The following TTC23L variants were observed in gnomAD, a reference collection of about 807,000 sequenced individuals.
TTC23L encodes the protein tetratricopeptide repeat domain 23 like, also known as tetratricopeptide repeat protein 23-like.
In TTC23L, 42 loss-of-function variants were observed where a neutral mutation model predicts 48.1. The observed-to-expected ratio is 0.87, with a 90% CI of 0.68 to 1.13. The LOEUF is 1.13. Ranked by LOEUF, TTC23L falls within the 50% of genes most tolerant of loss-of-function variation. The probability of loss-of-function intolerance (pLI) is 0.00; values close to 1 mark genes in which losing one functional copy is unlikely to be tolerated. For synonymous variants in TTC23L, 159 were observed against 157.2 expected (o/e 1.01, Z -0.09); for missense variants, 391 against 421.0 (o/e 0.93, Z 0.62).
chr5:34,909,391 C>T, the TTC23L span: 8 of 1,447,384 alleles, frequency 5.5e-6, no homozygotes, highest in South Asian at 4.7e-5. Context: ...ATTCATTCAT[C>T]CAAAAATAAA....
At chr5:34,921,907 C>CAAAAAAAAAAAAA in the TTC23L span, 1 of 35,304 alleles carries the variant, frequency 2.8e-5, no homozygotes. Context: ...AACTGCATCG[C>CAAAAAAAAAAAAA]AAAAAAAAAA....
At chr5:34,913,539 CAG>C in the TTC23L span, 2 of 1,603,408 alleles carry the variant, frequency 1.2e-6, no homozygotes, top group Non-Finnish European at 1.7e-6. Context: ...CGAAAAGTAA[CAG>C]ACTCTTCCTG....
At chr5:34,922,396 C>G in the TTC23L span, 1 of 909,536 alleles carries the variant, frequency 1.1e-6, no homozygotes. Flanking sequence ...GAGAATGAAG[C>G]AAACTTTTGA....
chr5:34,912,722 G>A, the TTC23L span, among the ~76,000 whole-genome samples: 3 of 152,018 alleles, frequency 2.0e-5, no homozygotes, highest in African/African-American at 4.8e-5. Context: ...TTCGGCAACC[G>A]GTTGCGGTGG....
chr5:34,866,684 G>A (rs565705731), intron 6 of TTC23L, among the ~76,000 whole-genome samples: 15 of 152,252 alleles, frequency 9.9e-5, no homozygotes, highest in African/African-American at 3.1e-4. Flanking sequence ...ACATAGTAAT[G>A]GGTTTAATGA....
intron 4 of TTC23L, chr5:34,861,363 G>A (rs1580444569): frequency 6.0e-6 from 1 of 167,092 alleles, no homozygotes; most frequent in East Asian, 1.5e-4. Context: ...CCTATTTGGG[G>A]GGCATGGATC....
intron 8 of TTC23L, among the ~76,000 whole-genome samples, chr5:34,872,607 G>C (rs1473285269): frequency 1.3e-5 from 2 of 152,192 alleles, no homozygotes; most frequent in Non-Finnish European, 2.9e-5. Context: ...ATTAAATTTG[G>C]AGTCTAATTT....
At chr5:34,853,769 G>A (rs1415364675) in intron 4 of TTC23L, among the ~76,000 whole-genome samples, 4 of 152,290 alleles carry the variant, frequency 2.6e-5, no homozygotes, top group East Asian at 1.9e-4. Flanking sequence ...TGGATTTGGC[G>A]GTTGGTAGGT....
chr5:34,857,892 G>A (rs934498824), intron 4 of TTC23L, among the ~76,000 whole-genome samples: 1 of 152,062 alleles, frequency 6.6e-6, no homozygotes, highest in African/African-American at 2.4e-5. Flanking sequence ...TTTAATTACC[G>A]TGCCACAGTA....
At chr5:34,915,755 G>A in the TTC23L span, 10 of 1,603,878 alleles carry the variant, frequency 6.2e-6, no homozygotes, top group African/African-American at 9.4e-5. Context: ...GCAACCAAGA[G>A]GAAACGGCGT....
chr5:34,909,282 T>C, the TTC23L span: 1 of 1,610,718 alleles, frequency 6.2e-7, no homozygotes, highest in African/African-American at 1.3e-5. Context: ...CTGATTACAA[T>C]GAAATGCTTC....
the TTC23L span, among the ~76,000 whole-genome samples, chr5:34,910,929 T>C: frequency 4.6e-5 from 7 of 152,230 alleles, no homozygotes; most frequent in African/African-American, 9.6e-5. Flanking sequence ...TTTGACATTG[T>C]ACTCCTGCTG....
the TTC23L span, chr5:34,915,805 G>A: frequency 6.3e-7 from 1 of 1,586,574 alleles, no homozygotes; most frequent in Non-Finnish European, 8.6e-7. Flanking sequence ...AAAAAGAAAC[G>A]AAATAGATGC....
chr5:34,878,694 A>G (rs985176841), intron 8 of TTC23L, among the ~76,000 whole-genome samples: 3 of 152,206 alleles, frequency 2.0e-5, no homozygotes, highest in African/African-American at 7.2e-5. Context: ...AAACAAAAAC[A>G]GATGTTGGTG....
rs1209248870 is a variant in TTC23L at position 34,863,178 on chromosome 5, G to A, written c.536+124G>A. 1.3e-5 allele frequency: 16 copies of A among 1,198,902 alleles called. No homozygotes were observed. In the Admixed American group the frequency reaches 2.9e-4, roughly 21 times the overall value. 74.3% of individuals were successfully genotyped at this position (1,198,902 alleles called of 1,614,324 possible). ...CCTTGTAGATCTGTTCCAACATCAA[G>A]GCCCTCCATGAGCCTCTCCTCTCCA... On this transcript the variant is annotated intron_variant, in intron 5 of 10. Coordinates refer to ENST00000505624, the Ensembl canonical transcript of TTC23L. The surrounding 1 kb of genome is among the most constrained non-coding windows in gnomAD (Gnocchi z 4.1).
At chr5:34,874,730 AAAAT>A (rs1377489356) in intron 8 of TTC23L, among the ~76,000 whole-genome samples, 6 of 152,188 alleles carry the variant, frequency 3.9e-5, no homozygotes, top group Admixed American at 1.3e-4. Context: ...CTCTAAAAAA[AAAAT>A]AAATAAATAA....
intron 4 of TTC23L, among the ~76,000 whole-genome samples, chr5:34,855,935 CTTTTTCTTATAATTTTTA>C (rs1760095924): frequency 6.6e-6 from 1 of 152,128 alleles, no homozygotes; most frequent in African/African-American, 2.4e-5. Context: ...TCAGTGTTTA[CTTTTTCTTATAATTTTTA>C]ACTTTTCAAC....
chr5:34,852,118 C>CA (rs780501963), intron 4 of TTC23L, among the ~76,000 whole-genome samples: 6 of 152,176 alleles, frequency 3.9e-5, no homozygotes, highest in Non-Finnish European at 7.3e-5. Flanking sequence ...TTCCTGGCCT[C>CA]AAGTGATCCT....
intron 9 of TTC23L, among the ~76,000 whole-genome samples, chr5:34,886,448 A>G (rs1388162768): frequency 6.6e-6 from 1 of 151,886 alleles, no homozygotes; most frequent in Non-Finnish European, 1.5e-5. Context: ...GTATTCAGCT[A>G]CAGTGACTAT....
Sources: allele counts gnomAD v4.1 joint callset (sites outside exome capture counted in the v4.1 genomes callset), GRCh38; gene constraint gnomAD v4.1.1; non-coding constraint Gnocchi (gnomAD v3.1); transcripts MANE v1.5; gene names NCBI Gene and HGNC (gene_info 2026-07-23, HGNC 2026-07-21).